The following CNTN5 variants were observed in gnomAD, a reference collection of about 807,000 sequenced individuals.
The protein encoded by CNTN5 is contactin-5.
In CNTN5, 77 loss-of-function variants were observed where a neutral mutation model predicts 129.1. The observed-to-expected ratio is 0.60, with a 90% CI of 0.50 to 0.72. The LOEUF (loss-of-function observed/expected upper bound fraction) is 0.72. Ranked by LOEUF, CNTN5 falls within the 30% of genes least tolerant of loss-of-function variation. The pLI is 0.00. For synonymous variants in CNTN5, 509 were observed against 465.6 expected (o/e 1.09, Z -1.20); for missense variants, 1,478 against 1,328.8 (o/e 1.11, Z -1.75).
intron 21 of CNTN5, chr11:100,337,774 T>C: frequency 2.6e-6 from 1 of 379,650 alleles, no homozygotes; most frequent in Non-Finnish European, 5.1e-6. Context: ...TGAAACTTAC[T>C]GCTCTTCTGT....
chr11:99,396,500 A>C (rs1158762196), intron 2 of CNTN5, among the ~76,000 whole-genome samples: 1 of 151,582 alleles, frequency 6.6e-6, no homozygotes, highest in Non-Finnish European at 1.5e-5. Context: ...TTAAAATTTT[A>C]TGGGTTAATA....
intron 2 of CNTN5, among the ~76,000 whole-genome samples, chr11:99,523,619 T>A (rs892469621): frequency 7.3e-5 from 3 of 40,894 alleles, no homozygotes; most frequent in Admixed American, 3.0e-4. Flanking sequence ...TAGAATAGAA[T>A]AGAATAGAAT....
intron 3 of CNTN5, among the ~76,000 whole-genome samples, chr11:99,784,905 T>C (rs187530220): frequency 8.7e-4 from 129 of 148,352 alleles, no homozygotes; most frequent in African/African-American, 3.1e-3. Context: ...GTTCACGCCA[T>C]TCTTCTGCCT....
chr11:99,580,639 T>C (rs934273250), intron 3 of CNTN5, among the ~76,000 whole-genome samples: 2 of 152,246 alleles, frequency 1.3e-5, no homozygotes, highest in Non-Finnish European at 2.9e-5. Flanking sequence ...TAGTATTCTC[T>C]GATGGTAGTT....
intron 3 of CNTN5, among the ~76,000 whole-genome samples, chr11:99,815,862 G>T (rs1946570184): frequency 6.6e-6 from 1 of 151,936 alleles, no homozygotes; most frequent in African/African-American, 2.4e-5. Context: ...TTTTTGTCTA[G>T]GATCCCAACT....
chr11:99,622,961 T>G (rs1374688249), intron 3 of CNTN5, among the ~76,000 whole-genome samples: 1 of 152,148 alleles, frequency 6.6e-6, no homozygotes. Context: ...TAAATTAGTG[T>G]CTGTCTCAAT....
At chr11:100,252,178 C>T (rs926652283) in intron 16 of CNTN5, among the ~76,000 whole-genome samples, 1 of 152,038 alleles carries the variant, frequency 6.6e-6, no homozygotes, top group Non-Finnish European at 1.5e-5. Flanking sequence ...TGATGCTGAC[C>T]ATTTCTTTCA....
At chr11:99,499,679 C>A (rs1946356220) in intron 2 of CNTN5, among the ~76,000 whole-genome samples, 2 of 152,154 alleles carry the variant, frequency 1.3e-5, no homozygotes, top group African/African-American at 4.8e-5. Context: ...TTTATTTATT[C>A]TAACAATTTT....
intron 3 of CNTN5, among the ~76,000 whole-genome samples, chr11:99,749,240 G>A (rs576973978): frequency 6.6e-6 from 1 of 151,896 alleles, no homozygotes; most frequent in African/African-American, 2.4e-5. Context: ...TGGGAACAGG[G>A]ATTCTCAACC....
At chr11:100,338,412 A>T (rs576816248) in intron 21 of CNTN5, among the ~76,000 whole-genome samples, 1 of 152,330 alleles carries the variant, frequency 6.6e-6, no homozygotes, top group South Asian at 2.1e-4. Context: ...CCTTAGCTGA[A>T]AGAGAATCTG....
At chr11:100,285,990 G>A (rs1043194625) in intron 18 of CNTN5, among the ~76,000 whole-genome samples, 7 of 152,240 alleles carry the variant, frequency 4.6e-5, no homozygotes, top group Admixed American at 6.5e-5. Context: ...AAAGAAAGGG[G>A]TGACAGACGC....
chr11:100,112,826 G>A (rs934548047), intron 13 of CNTN5, among the ~76,000 whole-genome samples: 1 of 152,194 alleles, frequency 6.6e-6, no homozygotes, highest in African/African-American at 2.4e-5. Flanking sequence ...TAATTGAAGA[G>A]GGAAGAGTGC....
chr11:99,089,953 A>T (rs1177524512), intron 1 of CNTN5, among the ~76,000 whole-genome samples: 1 of 152,186 alleles, frequency 6.6e-6, no homozygotes, highest in Non-Finnish European at 1.5e-5. Flanking sequence ...TTATTCAGGG[A>T]ACAGATAGAC....
intron 2 of CNTN5, among the ~76,000 whole-genome samples, chr11:99,469,442 T>C (rs1474628905): frequency 6.6e-6 from 1 of 152,114 alleles, no homozygotes; most frequent in Non-Finnish European, 1.5e-5. Context: ...AAAAGTTGAA[T>C]TATTCATGGT....
At chr11:99,727,308 G>A (rs1301182275) in intron 3 of CNTN5, among the ~76,000 whole-genome samples, 4 of 25,398 alleles carry the variant, frequency 1.6e-4, no homozygotes, top group East Asian at 6.6e-3. Context: ...GCGAGACTCC[G>A]TCTCAAAAAA....
intron 3 of CNTN5, among the ~76,000 whole-genome samples, chr11:99,598,232 T>C (rs1950183317): frequency 7.8e-6 from 1 of 128,416 alleles, no homozygotes; most frequent in Admixed American, 7.7e-5. Flanking sequence ...CCTTCCTCCC[T>C]TCTTTCCTTC....
At chr11:99,841,658 A>G (rs548612727) in intron 4 of CNTN5, among the ~76,000 whole-genome samples, 2 of 151,488 alleles carry the variant, frequency 1.3e-5, no homozygotes, top group Non-Finnish European at 2.9e-5. Context: ...AATGAAGGAG[A>G]AGGAGAATGA....
intron 15 of CNTN5, among the ~76,000 whole-genome samples, chr11:100,199,098 G>A (rs941297682): frequency 6.6e-6 from 1 of 151,790 alleles, no homozygotes; most frequent in Non-Finnish European, 1.5e-5. Context: ...GTTTACTAAG[G>A]CACAAAGCTG....
chr11:99,760,118 T>A (rs1198478681), intron 3 of CNTN5, among the ~76,000 whole-genome samples: 1 of 152,138 alleles, frequency 6.6e-6, no homozygotes, highest in Non-Finnish European at 1.5e-5. Flanking sequence ...TTTTCTCCAA[T>A]CCTTTTTTGA....
Sources: gnomAD v4.1 joint callset for allele counts (sites outside exome capture counted in the v4.1 genomes callset) on GRCh38, gnomAD v4.1.1 for gene constraint, MANE v1.5 for transcripts, NCBI Gene and HGNC (gene_info 2026-07-23, HGNC 2026-07-21) for gene names.